SLC10A7: variants seen among roughly 807,000 people sequenced by gnomAD.
The protein encoded by SLC10A7 is sodium/bile acid cotransporter 7.
SLC10A7 carries 29 observed loss-of-function variants against 43.2 expected under a neutral mutation model. The observed-to-expected ratio is 0.67, with a 90% CI of 0.50 to 0.92. SLC10A7 has a LOEUF of 0.92. Among genes scored for constraint, SLC10A7 ranks in the 40% least tolerant of loss-of-function variants. The pLI is 0.00. For synonymous variants in SLC10A7, 152 were observed against 144.8 expected, an observed-to-expected ratio of 1.05 and a Z score of -0.35; for missense variants, 295 against 403.2, an observed-to-expected ratio of 0.73 and a Z score of 2.30.
chr4:146,494,308 G>A (rs1735703170), intron 4 of SLC10A7, among the ~76,000 whole-genome samples: 1 of 152,192 alleles, frequency 6.6e-6, no homozygotes, highest in Non-Finnish European at 1.5e-5. Flanking sequence ...AGGGTATTCT[G>A]TGCTCAAGGT....
At chr4:146,284,755 A>G (rs1158400366) in intron 9 of SLC10A7, among the ~76,000 whole-genome samples, 2 of 152,214 alleles carry the variant, frequency 1.3e-5, no homozygotes, top group African/African-American at 2.4e-5. Flanking sequence ...TTTTTTAAAC[A>G]TTGCATTACA....
chr4:146,262,299 T>C (rs1276821198), intron 10 of SLC10A7, among the ~76,000 whole-genome samples: 2 of 152,198 alleles, frequency 1.3e-5, no homozygotes, highest in African/African-American at 4.8e-5. Flanking sequence ...CATGCTATGG[T>C]GGCGATCATT....
At chr4:146,335,814 T>C (rs542376971) in intron 5 of SLC10A7, among the ~76,000 whole-genome samples, 4 of 152,234 alleles carry the variant, frequency 2.6e-5, no homozygotes, top group Non-Finnish European at 4.4e-5. Context: ...TCTAACCAAC[T>C]GAAGTGACTT....
chr4:146,341,513 T>C (rs1734261549), intron 5 of SLC10A7, among the ~76,000 whole-genome samples: 1 of 151,792 alleles, frequency 6.6e-6, no homozygotes, highest in South Asian at 2.1e-4. Context: ...CACACATATG[T>C]TTATACATAA....
chr4:146,435,339 T>C (rs1406647299), intron 5 of SLC10A7, among the ~76,000 whole-genome samples: 1 of 152,204 alleles, frequency 6.6e-6, no homozygotes, highest in Admixed American at 6.5e-5. Flanking sequence ...TTATGCATCC[T>C]CTATTTTCCT....
At chr4:146,465,454 G>A (rs1236610517) in intron 4 of SLC10A7, among the ~76,000 whole-genome samples, 2 of 151,996 alleles carry the variant, frequency 1.3e-5, no homozygotes, top group Non-Finnish European at 2.9e-5. Flanking sequence ...CAGATAATTT[G>A]CACACTTTAT....
At chr4:146,346,967 T>TA (rs1300423573) in intron 5 of SLC10A7, among the ~76,000 whole-genome samples, 4 of 152,134 alleles carry the variant, frequency 2.6e-5, no homozygotes, top group African/African-American at 9.7e-5. Flanking sequence ...TAAAAGATCT[T>TA]ACGGTCTAGT....
intron 5 of SLC10A7, among the ~76,000 whole-genome samples, chr4:146,372,858 C>T (rs988552591): frequency 1.2e-4 from 19 of 152,146 alleles, no homozygotes; most frequent in Non-Finnish European, 2.5e-4. Flanking sequence ...TTCTCAGTTA[C>T]ATTTAGCAAT....
chr4:146,451,529 C>T (rs1399423339), intron 4 of SLC10A7, among the ~76,000 whole-genome samples: 1 of 152,036 alleles, frequency 6.6e-6, no homozygotes, highest in Non-Finnish European at 1.5e-5. Flanking sequence ...AATAGTACAC[C>T]ATGATCAACT....
chr4:146,384,639 T>C (rs1579051049), intron 5 of SLC10A7, among the ~76,000 whole-genome samples: 1 of 152,222 alleles, frequency 6.6e-6, no homozygotes, highest in East Asian at 1.9e-4. Context: ...AGAAGATTAA[T>C]TTTACAGAAT....
At chr4:146,474,974 T>A (rs1733901503) in intron 4 of SLC10A7, among the ~76,000 whole-genome samples, 1 of 152,168 alleles carries the variant, frequency 6.6e-6, no homozygotes, top group East Asian at 1.9e-4. Flanking sequence ...AGAAAGGACC[T>A]TCCTTTTCCA....
At chr4:146,485,275 C>T (rs770996942) in intron 4 of SLC10A7, among the ~76,000 whole-genome samples, 15 of 152,158 alleles carry the variant, frequency 9.9e-5, no homozygotes, top group Non-Finnish European at 1.9e-4. Flanking sequence ...CATCTATCTC[C>T]TTGGCTTTTA....
intron 10 of SLC10A7, among the ~76,000 whole-genome samples, chr4:146,259,109 G>A (rs1728058603): frequency 6.6e-6 from 1 of 152,206 alleles, no homozygotes; most frequent in Admixed American, 6.5e-5. Flanking sequence ...TATCTAACAA[G>A]GAGAGGAGAG....
chr4:146,442,639 G>A, intron 5 of SLC10A7, 144 bp downstream of exon 5: 1 of 1,490,028 alleles, frequency 6.7e-7, no homozygotes, highest in Non-Finnish European at 8.9e-7. Context: ...CTTTTCTTCA[G>A]GGTATGGATA....
intron 5 of SLC10A7, among the ~76,000 whole-genome samples, chr4:146,365,477 C>T (rs78717493): frequency 0.01 from 1,581 of 152,244 alleles, 8 homozygotes; most frequent in Middle Eastern, 0.02. Context: ...CTACTTAAAG[C>T]ACAGTTAACT....
rs116796514 is a variant in SLC10A7, at chr4:146,326,841, A to G, written c.436-845T>C. Reference sequence around the variant, plus strand: ...AGAAAAAACATTTCAGATTTTTATTAATGAATTCTACTTGGAATTTTAAAA... The same window carrying G: ...AGAAAAAACATTTCAGATTTTTATTGATGAATTCTACTTGGAATTTTAAAA... On this transcript the variant is annotated intron_variant, in intron 5 of 11. Transcript: ENST00000335472. 6.6e-3 allele frequency among the ~76,000 whole-genome samples: 1,005 copies of G among 152,148 alleles called. 14 individuals are homozygous for G. Among genetic ancestry groups the G allele is most frequent in the African/African-American group, 0.024 (976 of 41,514 alleles).
intron 5 of SLC10A7, among the ~76,000 whole-genome samples, chr4:146,333,959 CA>C (rs1297634289): frequency 2.0e-5 from 3 of 151,952 alleles, no homozygotes; most frequent in Admixed American, 6.6e-5. Context: ...CAAGATGGAC[CA>C]ACAGAACAGA....
intron 3 of SLC10A7, among the ~76,000 whole-genome samples, chr4:146,506,620 T>G (rs2150036963): frequency 6.6e-6 from 1 of 152,328 alleles, no homozygotes; most frequent in South Asian, 2.1e-4. Flanking sequence ...GGTATATTTT[T>G]CCTCATATTC....
chr4:146,359,778 G>A (rs1414887556), intron 5 of SLC10A7, among the ~76,000 whole-genome samples: 1 of 152,116 alleles, frequency 6.6e-6, no homozygotes, highest in East Asian at 1.9e-4. Flanking sequence ...GACATAATCA[G>A]AAGAATTTCC....
Sources: gnomAD v4.1 joint callset for allele counts (sites outside exome capture counted in the v4.1 genomes callset) on GRCh38, gnomAD v4.1.1 for gene constraint, MANE v1.5 for transcripts, NCBI Gene and HGNC (gene_info 2026-07-23, HGNC 2026-07-21) for gene names.